VWA8: variants seen among roughly 807,000 people sequenced by gnomAD.
VWA8 encodes von Willebrand factor A domain containing 8, also known as von Willebrand factor A domain-containing protein 8.
A neutral mutation model predicts 241.5 loss-of-function variants in VWA8; 221 were observed. The ratio of observed to expected loss-of-function variants is 0.91; its 90% confidence interval spans 0.82 to 1.02. The LOEUF is 1.02. VWA8 is among the 50% of genes least tolerant of loss of function. The pLI is 0.00. For synonymous variants in VWA8, 852 were observed against 827.1 expected (o/e 1.03, Z -0.52); for missense variants, 2,322 against 2,328.7 (o/e 1.00, Z 0.06).
chr13:41,692,942 CAGT>C lies in VWA8; in HGVS notation c.3592_3594del (p.Thr1198del). ...AGGATGAGACGATGAAGGGCCCGGC[CAGT>C]AGTATCTAACAACAGGATAACATTA... On this transcript the variant is annotated inframe_deletion, in exon 30 of 45. Transcript: ENST00000379310. The C allele has an allele frequency of 6.2e-7, 1 of 1,609,718 alleles. No individual in the cohort carries two copies. The highest frequency in any genetic ancestry group is 1.1e-5 in the South Asian group (1 of 90,854).
At chr13:41,820,877 G>C (rs573695974) in intron 14 of VWA8, among the ~76,000 whole-genome samples, 5 of 152,280 alleles carry the variant, frequency 3.3e-5, no homozygotes, top group African/African-American at 1.2e-4. Flanking sequence ...ATAAAGCCCA[G>C]CAACAGATGT....
chr13:41,899,571 A>G (rs542879182), intron 4 of VWA8, among the ~76,000 whole-genome samples: 15 of 152,304 alleles, frequency 9.8e-5, no homozygotes, highest in African/African-American at 3.6e-4. Flanking sequence ...AACTAATACT[A>G]GTTAGTTACT....
chr13:41,757,477 T>G (rs150753077), intron 21 of VWA8, among the ~76,000 whole-genome samples: 94 of 151,820 alleles, frequency 6.2e-4, no homozygotes, highest in African/African-American at 2.1e-3. Context: ...GGGGTACATG[T>G]GCAGGTTTGT....
chr13:41,609,691 T>C (rs113807319), intron 39 of VWA8, among the ~76,000 whole-genome samples: 4 of 152,206 alleles, frequency 2.6e-5, no homozygotes, highest in South Asian at 2.1e-4. Flanking sequence ...TCTTGGTGTT[T>C]TGCTGTGCCC....
At chr13:41,898,533 C>G (rs189206283) in intron 4 of VWA8, among the ~76,000 whole-genome samples, 2,779 of 152,368 alleles carry the variant, frequency 0.018, 92 homozygotes, top group African/African-American at 0.062. Flanking sequence ...GGATCCCGCA[C>G]CAGGGCTGCA....
intron 39 of VWA8, among the ~76,000 whole-genome samples, chr13:41,609,075 A>G (rs1372108824): frequency 1.3e-5 from 2 of 152,202 alleles, no homozygotes; most frequent in East Asian, 1.9e-4. Flanking sequence ...CCACAAATAC[A>G]TATGAAGGTT....
chr13:41,592,310 C>T (rs1272668067), intron 40 of VWA8, among the ~76,000 whole-genome samples: 3 of 97,604 alleles, frequency 3.1e-5, no homozygotes, highest in African/African-American at 1.3e-4. Flanking sequence ...ACTCTGGGGA[C>T]TGTTGTGGGG....
rs749849605 is a variant in VWA8, at chr13:41,605,192, G to A, written c.4962C>T (p.Leu1654=). The A allele has an allele frequency of 2.0e-5, 32 of 1,613,030 alleles. 1 individual carries two copies. In the South Asian group the frequency reaches 2.9e-4, roughly 14 times the overall value. ...CCTGTAAATTATCCAGGATGATTCG[G>A]AGGGAGTGCACCTGTCGCCGAACAG... ...SGAVRRQVHS[L]RIILDNLQAK... The change falls in exon 40 of 45, where the codon CTC becomes CTT. Residue 1654 remains leucine (L), a synonymous_variant. Coordinates refer to ENST00000379310, the MANE Select transcript of VWA8 (RefSeq NM_015058.2).
At chr13:41,844,235 CA>C (rs1365274628) in intron 12 of VWA8, among the ~76,000 whole-genome samples, 1 of 152,070 alleles carries the variant, frequency 6.6e-6, no homozygotes, top group Non-Finnish European at 1.5e-5. Flanking sequence ...AAGCAAAAGC[CA>C]TTTTGATCAT....
intron 12 of VWA8, among the ~76,000 whole-genome samples, chr13:41,848,594 T>C (rs944214837): frequency 1.3e-5 from 2 of 152,184 alleles, no homozygotes; most frequent in African/African-American, 4.8e-5. Flanking sequence ...CTCAACTCCC[T>C]CCTGCCACCT....
At position 41,568,376 on chromosome 13, in the gene VWA8, A is replaced by G. The variant is rs754885285; in HGVS notation, c.5610-71T>C. ...TCCCTTCCACCTCCTGCCCTGGCAAACCACAGCCCCCTAATGGTTTCTTAG... is the reference window on the plus strand; with the variant it reads ...TCCCTTCCACCTCCTGCCCTGGCAAGCCACAGCCCCCTAATGGTTTCTTAG... On this transcript the variant is annotated intron_variant, in intron 44 of 44. Transcript: ENST00000379310. The G allele has an allele frequency of 1.0e-5, 13 of 1,242,082 alleles. No homozygotes were observed. The South Asian group carries it at 1.6e-4, about 15-fold the overall frequency. 76.9% of individuals were successfully genotyped at this position (1,242,082 alleles called of 1,614,324 possible).
chr13:41,938,113 A>G (rs1213599614), intron 2 of VWA8, among the ~76,000 whole-genome samples: 1 of 151,738 alleles, frequency 6.6e-6, no homozygotes, highest in Admixed American at 6.6e-5. Flanking sequence ...GTGAGCCGAG[A>G]TCGCCACTGC....
At chr13:41,747,092 G>T (rs535692075) in intron 21 of VWA8, among the ~76,000 whole-genome samples, 1 of 152,240 alleles carries the variant, frequency 6.6e-6, no homozygotes, top group East Asian at 1.9e-4. Flanking sequence ...CTCTTTTTTG[G>T]TTCCATATGA....
At chr13:41,704,901 T>C (rs765245108) in intron 26 of VWA8, among the ~76,000 whole-genome samples, 26 of 152,232 alleles carry the variant, frequency 1.7e-4, no homozygotes, top group Middle Eastern at 3.2e-3. Context: ...AATTGAAATG[T>C]ATCCTTGGAA....
intron 21 of VWA8, among the ~76,000 whole-genome samples, chr13:41,753,038 G>A (rs2137895111): frequency 6.6e-6 from 1 of 152,230 alleles, no homozygotes; most frequent in South Asian, 2.1e-4. Context: ...GAAGGGTTGG[G>A]GGAGAAAGGA....
intron 9 of VWA8, among the ~76,000 whole-genome samples, chr13:41,874,665 G>A (rs974755609): frequency 6.6e-6 from 1 of 151,984 alleles, no homozygotes; most frequent in Non-Finnish European, 1.5e-5. Flanking sequence ...ATTGGATATT[G>A]GTCTGTCAGG....
chr13:41,691,584 AT>A, intron 31 of VWA8, 139 bp from the exon 32 acceptor site: 1 of 1,248,590 alleles, frequency 8.0e-7, no homozygotes, highest in Non-Finnish European at 1.1e-6. Context: ...AAAAATGTTA[AT>A]TAAAAAAACA....
chr13:41,920,374 G>A (rs1296143911), intron 2 of VWA8, among the ~76,000 whole-genome samples: 1 of 152,140 alleles, frequency 6.6e-6, no homozygotes, highest in African/African-American at 2.4e-5. Flanking sequence ...CTGTTAGAAA[G>A]TGCTTCAGAG....
intron 21 of VWA8, among the ~76,000 whole-genome samples, chr13:41,752,047 T>C (rs969484892): frequency 2.6e-5 from 4 of 152,118 alleles, no homozygotes; most frequent in African/African-American, 9.7e-5. Flanking sequence ...TAACTTCTCT[T>C]TTCCCCCCAC....
Sources: allele counts gnomAD v4.1 joint callset (sites outside exome capture counted in the v4.1 genomes callset), GRCh38; gene constraint gnomAD v4.1.1; transcripts MANE v1.5; gene names NCBI Gene and HGNC (gene_info 2026-07-23, HGNC 2026-07-21).